MED27: variants seen among roughly 807,000 people sequenced by gnomAD.
The protein encoded by MED27 is mediator of RNA polymerase II transcription subunit 27.
In MED27, 30 loss-of-function variants were observed where a neutral mutation model predicts 38.2. The observed-to-expected ratio is 0.79, with a 90% CI of 0.59 to 1.07. The LOEUF is 1.07. MED27 is among the 50% of genes least tolerant of loss of function. The pLI is 0.00. For missense variants in MED27, 289 were observed against 397.5 expected (o/e 0.73, Z 2.32); for synonymous variants, 122 against 153.5 (o/e 0.79, Z 1.52).
chr9:131,944,876 G>T (rs1481587564), intron 3 of MED27, among the ~76,000 whole-genome samples: 2 of 151,860 alleles, frequency 1.3e-5, no homozygotes, highest in African/African-American at 4.8e-5. Context: ...GAGAAGGTAT[G>T]AAAATTAAAA....
rs891895937 is a variant in MED27 at position 132,003,093 on chromosome 9, A to T, written c.479+11244T>A. Among the ~76,000 whole-genome samples, 7 of 143,730 alleles carry T rather than the reference A, an allele frequency of 4.9e-5. No homozygotes were observed. The highest frequency in any genetic ancestry group is 1.1e-4 in the African/African-American group (4 of 36,844). The allele number at this position is 143,730 out of a possible 152,430, so 94.3% of individuals were successfully genotyped here. On this transcript the variant is annotated intron_variant, in intron 3 of 7. Transcript: ENST00000292035. The surrounding 1 kb of genome is among the most constrained non-coding windows in gnomAD (Gnocchi z 4.2). Reference sequence around the variant, plus strand: ...CTCTTTGTTATGCAAAGAGAGATTTAAAAAAAAAAATGGATCCAGCTTCTA... The same window carrying T: ...CTCTTTGTTATGCAAAGAGAGATTTTAAAAAAAAAATGGATCCAGCTTCTA...
chr9:131,995,983 C>T (rs1832083828), intron 3 of MED27, among the ~76,000 whole-genome samples: 1 of 152,180 alleles, frequency 6.6e-6, no homozygotes, highest in South Asian at 2.1e-4. Context: ...CAAGCATCCC[C>T]CTTCCAGAAC....
At chr9:131,885,970 C>T (rs1839133268) in intron 5 of MED27, among the ~76,000 whole-genome samples, 1 of 152,158 alleles carries the variant, frequency 6.6e-6, no homozygotes, top group African/African-American at 2.4e-5. Flanking sequence ...AGCCCTGGGC[C>T]ATGGCGGTTT....
At chr9:131,951,415 G>A (rs1381736115) in intron 3 of MED27, among the ~76,000 whole-genome samples, 1 of 152,202 alleles carries the variant, frequency 6.6e-6, no homozygotes, top group Non-Finnish European at 1.5e-5. Flanking sequence ...CCAGCACACT[G>A]TCCAGCACAC....
At chr9:132,025,472 G>C (rs149435447) in intron 2 of MED27, among the ~76,000 whole-genome samples, 1 of 152,190 alleles carries the variant, frequency 6.6e-6, no homozygotes, top group Non-Finnish European at 1.5e-5. Context: ...GTGAGCCACC[G>C]CGCCCAGCCC....
intron 2 of MED27, among the ~76,000 whole-genome samples, chr9:132,029,034 C>T (rs544721661): frequency 8.5e-5 from 13 of 152,348 alleles, no homozygotes; most frequent in South Asian, 6.2e-4. Context: ...TCACGGTCAA[C>T]TAAGAGAAGG....
chr9:131,970,188 G>A (rs1831444573), intron 3 of MED27, among the ~76,000 whole-genome samples: 1 of 152,256 alleles, frequency 6.6e-6, no homozygotes, highest in Non-Finnish European at 1.5e-5. Context: ...CCAAGGGGCT[G>A]CAGAACCACC....
At chr9:131,882,047 C>T (rs892341074) in intron 6 of MED27, among the ~76,000 whole-genome samples, 2 of 152,078 alleles carry the variant, frequency 1.3e-5, no homozygotes, top group Admixed American at 6.6e-5. Flanking sequence ...AGCCACCGCA[C>T]CCGGCCCCAT....
intron 4 of MED27, among the ~76,000 whole-genome samples, chr9:131,908,692 A>G (rs1476979651): frequency 1.3e-5 from 2 of 152,084 alleles, no homozygotes; most frequent in Non-Finnish European, 2.9e-5. Flanking sequence ...GCTCGTTAAG[A>G]GTCATCACCA....
At chr9:131,929,731 G>T (rs1346551422) in intron 4 of MED27, among the ~76,000 whole-genome samples, 2 of 152,156 alleles carry the variant, frequency 1.3e-5, no homozygotes, top group Non-Finnish European at 2.9e-5. Context: ...GTAGAATAGA[G>T]TACCAGCTAG....
intron 3 of MED27, among the ~76,000 whole-genome samples, chr9:131,948,482 CA>C (rs1330173686): frequency 7.8e-6 from 1 of 128,774 alleles, no homozygotes; most frequent in East Asian, 2.4e-4. Flanking sequence ...CACTCCGTCT[CA>C]AAAAAACAAA....
At chr9:132,076,495 C>G (rs1489747217) in intron 2 of MED27, among the ~76,000 whole-genome samples, 2 of 151,972 alleles carry the variant, frequency 1.3e-5, no homozygotes, top group African/African-American at 2.4e-5. Context: ...ATTCTGCACA[C>G]CAGAAAAACT....
At chr9:131,869,025 A>G (rs567589947) in intron 6 of MED27, 1 of 985,482 alleles carries the variant, frequency 1.0e-6, no homozygotes, top group South Asian at 4.7e-5. Flanking sequence ...GGCCAAACTC[A>G]GCCTCTTTTT....
intron 2 of MED27, among the ~76,000 whole-genome samples, chr9:132,020,845 T>C (rs1393919825): frequency 1.3e-5 from 2 of 152,206 alleles, no homozygotes; most frequent in Admixed American, 6.5e-5. Flanking sequence ...TTCTTTCAAA[T>C]AGCCAATAGT....
intron 3 of MED27, among the ~76,000 whole-genome samples, chr9:131,943,279 GA>G (rs1830819865): frequency 6.6e-6 from 1 of 152,154 alleles, no homozygotes; most frequent in Non-Finnish European, 1.5e-5. Flanking sequence ...CCCAACCTTC[GA>G]AACACAAATC....
intron 2 of MED27, among the ~76,000 whole-genome samples, chr9:132,025,036 T>C (rs575685438): frequency 1.3e-5 from 2 of 151,894 alleles, no homozygotes; most frequent in South Asian, 2.1e-4. Context: ...GAAAAGGTAA[T>C]GCAGGTGGAA....
intron 5 of MED27, among the ~76,000 whole-genome samples, chr9:131,892,368 C>A (rs1839243033): frequency 6.6e-6 from 1 of 152,172 alleles, no homozygotes; most frequent in Non-Finnish European, 1.5e-5. Context: ...TTTATGTGTA[C>A]TACTTCAGAC....
intron 4 of MED27, among the ~76,000 whole-genome samples, chr9:131,922,451 T>G (rs902764042): frequency 1.3e-5 from 2 of 150,066 alleles, no homozygotes; most frequent in Non-Finnish European, 3.0e-5. Flanking sequence ...TCTTTTTTTT[T>G]TTTTTTTGAG....
rs1047058462 is a variant in MED27 at position 131,868,999 on chromosome 9, T to C, written c.724-5859A>G. ...CAAGGCACCTAATTAGTTTTTCCAT[T>C]GCTGGTCGGCAATCTGGCCAAACTC... is the stretch of plus-strand genomic sequence containing the variant. On this transcript the variant is annotated intron_variant, in intron 6 of 7. Coordinates refer to ENST00000292035, the MANE Select transcript of MED27 (RefSeq NM_004269.4). 6.1e-6 allele frequency: 6 copies of C among 985,362 alleles called. No homozygotes were observed. The Admixed American group carries it at 3.1e-4, about 50-fold the overall frequency. 61.0% of individuals were successfully genotyped at this position (985,362 alleles called of 1,614,324 possible).
Sources: gnomAD v4.1 joint callset for allele counts (sites outside exome capture counted in the v4.1 genomes callset) on GRCh38, gnomAD v4.1.1 for gene constraint, Gnocchi (gnomAD v3.1) non-coding constraint, MANE v1.5 for transcripts, NCBI Gene and HGNC (gene_info 2026-07-23, HGNC 2026-07-21) for gene names.